Variants in LINGO2 observed in about 807,000 individuals in gnomAD.
The protein encoded by LINGO2 is leucine rich repeat and Ig domain containing 2.
LINGO2 carries 14 observed loss-of-function variants against 30.6 expected under a neutral mutation model. That is an observed-to-expected ratio of 0.46 (90% confidence interval 0.30 to 0.72). LINGO2 has a LOEUF of 0.72. LINGO2 is among the 30% of genes least tolerant of loss of function. LINGO2 has a pLI of 0.07. For synonymous variants in LINGO2, 317 were observed against 288.5 expected (o/e 1.10, Z -1.00); for missense variants, 729 against 751.7 (o/e 0.97, Z 0.35).
At chr9:28,921,613 G>A in the LINGO2 span, among the ~76,000 whole-genome samples, 1 of 152,292 alleles carries the variant, frequency 6.6e-6, no homozygotes, top group Non-Finnish European at 1.5e-5. Context: ...AGGGAGCACA[G>A]CTAAGAGAGC....
At chr9:28,747,903 A>G in the LINGO2 span, among the ~76,000 whole-genome samples, 5 of 152,106 alleles carry the variant, frequency 3.3e-5, no homozygotes, top group African/African-American at 4.8e-5. Flanking sequence ...AACACAAAAG[A>G]AAACTTTATG....
At chr9:28,873,124 T>G in the LINGO2 span, among the ~76,000 whole-genome samples, 1 of 152,194 alleles carries the variant, frequency 6.6e-6, no homozygotes, top group African/African-American at 2.4e-5. Flanking sequence ...ACTGTAATCC[T>G]TTGGGAGGCC....
the LINGO2 span, among the ~76,000 whole-genome samples, chr9:28,802,966 A>G: frequency 6.6e-6 from 1 of 152,048 alleles, no homozygotes; most frequent in Non-Finnish European, 1.5e-5. Context: ...AAATTCAGGT[A>G]TCATTACCTT....
At chr9:28,172,034 C>CACA (rs1554682050) in intron 4 of LINGO2, among the ~76,000 whole-genome samples, 1 of 98,744 alleles carries the variant, frequency 1.0e-5, no homozygotes, top group Admixed American at 1.5e-4. Flanking sequence ...AAAAAAAAAA[C>CACA]AAAAAAAAAA....
chr9:28,845,290 A>T, the LINGO2 span, among the ~76,000 whole-genome samples: 3 of 151,864 alleles, frequency 2.0e-5, no homozygotes, highest in Non-Finnish European at 2.9e-5. Context: ...GACATAAAAG[A>T]TTTGTTTTTT....
intron 1 of LINGO2, among the ~76,000 whole-genome samples, chr9:28,499,527 T>C (rs1451878461): frequency 6.6e-6 from 1 of 152,178 alleles, no homozygotes; most frequent in East Asian, 1.9e-4. Flanking sequence ...ATGGGTTTTA[T>C]TTAGACATAT....
chr9:28,684,948 G>C, the LINGO2 span, among the ~76,000 whole-genome samples: 1 of 152,068 alleles, frequency 6.6e-6, no homozygotes, highest in South Asian at 2.1e-4. Context: ...TGCATAACAC[G>C]TGATAGGTGA....
intron 4 of LINGO2, among the ~76,000 whole-genome samples, chr9:28,194,860 A>T (rs1341559744): frequency 6.6e-6 from 1 of 152,028 alleles, no homozygotes; most frequent in African/African-American, 2.4e-5. Flanking sequence ...TGCAATGTAC[A>T]AAGATCTAAC....
intron 1 of LINGO2, among the ~76,000 whole-genome samples, chr9:28,578,497 C>G (rs1311849398): frequency 6.6e-6 from 1 of 151,990 alleles, no homozygotes. Flanking sequence ...TTATTTTATA[C>G]TGTATAATTA....
At chr9:28,031,943 C>T (rs1418977483) in intron 4 of LINGO2, among the ~76,000 whole-genome samples, 1 of 151,492 alleles carries the variant, frequency 6.6e-6, no homozygotes, top group Non-Finnish European at 1.5e-5. Context: ...AACTGTGTGC[C>T]AGGCAGGCAG....
At chr9:28,250,840 G>A (rs1822171190) in intron 4 of LINGO2, among the ~76,000 whole-genome samples, 1 of 152,116 alleles carries the variant, frequency 6.6e-6, no homozygotes, top group Non-Finnish European at 1.5e-5. Context: ...TGGACAGAGA[G>A]GACTTTCACA....
intron 2 of LINGO2, among the ~76,000 whole-genome samples, chr9:28,455,771 A>G (rs183982242): frequency 2.7e-4 from 41 of 152,250 alleles, no homozygotes; most frequent in African/African-American, 9.4e-4. Context: ...GACAGCCTTC[A>G]TCTAATTCTG....
chr9:28,854,250 G>A, the LINGO2 span, among the ~76,000 whole-genome samples: 1 of 151,956 alleles, frequency 6.6e-6, no homozygotes, highest in Non-Finnish European at 1.5e-5. Flanking sequence ...TGCTCAAATT[G>A]TTACATATTA....
At chr9:28,156,525 A>T (rs1017972378) in intron 4 of LINGO2, among the ~76,000 whole-genome samples, 4 of 152,234 alleles carry the variant, frequency 2.6e-5, no homozygotes. Flanking sequence ...TTACTGGGAA[A>T]ATAAGATGTC....
intron 4 of LINGO2, among the ~76,000 whole-genome samples, chr9:28,294,710 A>G (rs991611360): frequency 6.6e-6 from 1 of 152,216 alleles, no homozygotes; most frequent in Non-Finnish European, 1.5e-5. Context: ...CTTAAATAAC[A>G]GGTGAATAGA....
chr9:28,068,147 A>C (rs1359708162), intron 4 of LINGO2, among the ~76,000 whole-genome samples: 1 of 152,194 alleles, frequency 6.6e-6, no homozygotes, highest in East Asian at 1.9e-4. Context: ...TTTTCTTTTC[A>C]TGTAGTGTAT....
At chr9:28,695,065 A>G in the LINGO2 span, among the ~76,000 whole-genome samples, 1 of 151,732 alleles carries the variant, frequency 6.6e-6, no homozygotes, top group East Asian at 1.9e-4. Flanking sequence ...AAACAAACAA[A>G]CAAACAAACA....
At chr9:28,478,998 G>T (rs921384769) in intron 1 of LINGO2, among the ~76,000 whole-genome samples, 7 of 151,880 alleles carry the variant, frequency 4.6e-5, no homozygotes, top group African/African-American at 1.7e-4. Flanking sequence ...ATAATACATT[G>T]TGGTAAATAT....
chr9:28,495,954 T>C (rs1217435107), intron 1 of LINGO2, among the ~76,000 whole-genome samples: 2 of 152,134 alleles, frequency 1.3e-5, no homozygotes, highest in Admixed American at 6.6e-5. Flanking sequence ...TCAGTTTCCA[T>C]GTAGTTGAGT....
Sources: allele counts gnomAD v4.1 joint callset (sites outside exome capture counted in the v4.1 genomes callset), GRCh38; gene constraint gnomAD v4.1.1; transcripts MANE v1.5; gene names NCBI Gene and HGNC (gene_info 2026-07-23, HGNC 2026-07-21).